TASP1: variants seen among roughly 807,000 people sequenced by gnomAD.
The protein encoded by TASP1 is taspase 1, also known as threonine aspartase 1.
TASP1 carries 16 observed loss-of-function variants against 56.6 expected under a neutral mutation model. That is an observed-to-expected ratio of 0.28 (90% CI 0.19 to 0.43). The LOEUF (loss-of-function observed/expected upper bound fraction) is 0.43. TASP1 is among the 20% of genes least tolerant of loss of function. TASP1 has a pLI of 1.00. For synonymous variants in TASP1, 179 were observed against 184.2 expected (o/e 0.97, Z 0.23); for missense variants, 393 against 511.6 (o/e 0.77, Z 2.24).
At chr20:13,528,677 T>C (rs2045089752) in intron 9 of TASP1, among the ~76,000 whole-genome samples, 166 bp from the exon 10 acceptor site, 1 of 152,202 alleles carries the variant, frequency 6.6e-6, no homozygotes, top group Non-Finnish European at 1.5e-5. Context: ...ATGCTTTTAA[T>C]ACTATCAAAA....
chr20:13,355,845 C>T, the TASP1 span, among the ~76,000 whole-genome samples: 1 of 152,192 alleles, frequency 6.6e-6, no homozygotes, highest in African/African-American at 2.4e-5. Flanking sequence ...CTCTCCCAAG[C>T]CCCTAGTCCT....
chr20:13,330,080 C>T, the TASP1 span, among the ~76,000 whole-genome samples: 1 of 152,002 alleles, frequency 6.6e-6, no homozygotes, highest in Non-Finnish European at 1.5e-5. Context: ...CCTCAGCCTC[C>T]CGAGTAGCTG....
At chr20:13,221,761 C>T in the TASP1 span, 3 of 1,428,740 alleles carry the variant, frequency 2.1e-6, no homozygotes, top group Non-Finnish European at 2.7e-6. Context: ...GTCCTAAAGC[C>T]GCGCGTCTCA....
At chr20:13,549,909 C>A (rs2045922735) in intron 8 of TASP1, among the ~76,000 whole-genome samples, 1 of 152,060 alleles carries the variant, frequency 6.6e-6, no homozygotes, top group Admixed American at 6.6e-5. Flanking sequence ...CAACTTATAA[C>A]AAATATTCTG....
chr20:13,416,048 C>A (rs2042243458), intron 13 of TASP1, among the ~76,000 whole-genome samples: 1 of 151,984 alleles, frequency 6.6e-6, no homozygotes, highest in African/African-American at 2.4e-5. Context: ...CTGTGCTGTT[C>A]AATATGGTAG....
intron 3 of TASP1, among the ~76,000 whole-genome samples, chr20:13,624,610 A>T (rs2048822483): frequency 6.6e-6 from 1 of 152,184 alleles, no homozygotes; most frequent in Admixed American, 6.5e-5. Flanking sequence ...CTACAAGACT[A>T]GTAAGAATCA....
At chr20:13,244,379 G>T in the TASP1 span, 1 of 129,052 alleles carries the variant, frequency 7.7e-6, no homozygotes. Flanking sequence ...TGTAGAAGAT[G>T]TCCTATGCAA....
chr20:13,360,418 C>T, the TASP1 span, among the ~76,000 whole-genome samples: 1 of 151,914 alleles, frequency 6.6e-6, no homozygotes, highest in Non-Finnish European at 1.5e-5. Context: ...CTCTCCCTGC[C>T]AATCGTGTCC....
intron 4 of TASP1, among the ~76,000 whole-genome samples, chr20:13,607,537 G>C (rs764826340): frequency 6.6e-6 from 1 of 152,042 alleles, no homozygotes; most frequent in Non-Finnish European, 1.5e-5. Context: ...AACTAGACTG[G>C]CACATTATAA....
intron 11 of TASP1, among the ~76,000 whole-genome samples, chr20:13,456,872 G>T (rs1430144874): frequency 6.6e-6 from 1 of 152,046 alleles, no homozygotes; most frequent in African/African-American, 2.4e-5. Context: ...GGAAAAAAAT[G>T]GTCAGAATAA....
At chr20:13,582,286 T>A (rs1486990351) in intron 5 of TASP1, among the ~76,000 whole-genome samples, 1 of 152,006 alleles carries the variant, frequency 6.6e-6, no homozygotes, top group African/African-American at 2.4e-5. Flanking sequence ...TTTATAACTT[T>A]ATATTGTTTA....
the TASP1 span, among the ~76,000 whole-genome samples, chr20:13,355,923 T>A: frequency 6.6e-6 from 1 of 152,304 alleles, no homozygotes; most frequent in Admixed American, 6.5e-5. Flanking sequence ...GGACTCCTCA[T>A]ATTGGCCAAA....
rs186795826 is a variant in TASP1, at chr20:13,448,536, T to C, written c.986-13382A>G. Among the ~76,000 whole-genome samples, 1,034 of 152,228 alleles carry C rather than the reference T, an allele frequency of 6.8e-3. 7 individuals carry two copies. Among genetic ancestry groups the C allele is most frequent in the Non-Finnish European group, 0.011 (715 of 67,990 alleles). On this transcript the variant is annotated intron_variant, in intron 11 of 13. Coordinates refer to ENST00000337743, the MANE Select transcript of TASP1 (RefSeq NM_017714.3). ...CTGATAATATTTTCCCAGGAAAGCC[T>C]AAAGACAGAGTCAATTATAGCCTTG...
the TASP1 span, among the ~76,000 whole-genome samples, chr20:13,277,895 G>A: frequency 6.6e-6 from 1 of 152,136 alleles, no homozygotes; most frequent in Non-Finnish European, 1.5e-5. Flanking sequence ...CATTGGCTGG[G>A]CAACATCATT....
the TASP1 span, among the ~76,000 whole-genome samples, chr20:13,153,523 T>G: frequency 1.3e-5 from 2 of 152,162 alleles, no homozygotes; most frequent in African/African-American, 4.8e-5. Context: ...AAATTCAGAT[T>G]GGATGAAGGA....
chr20:13,400,121 C>T (rs74577529), intron 13 of TASP1, among the ~76,000 whole-genome samples: 4,212 of 152,260 alleles, frequency 0.028, 79 homozygotes, highest in South Asian at 0.042. Context: ...TTATCTTGTT[C>T]GTTATTTCCC....
intron 10 of TASP1, among the ~76,000 whole-genome samples, chr20:13,510,786 C>T (rs2044297509): frequency 6.6e-6 from 1 of 152,152 alleles, no homozygotes; most frequent in African/African-American, 2.4e-5. Flanking sequence ...AAAAAGTACT[C>T]AGCACAGTAC....
Position 13,456,084 on chromosome 20 carries a change from T to C in TASP1, c.986-20930A>G, listed in dbSNP as rs774418335. Among the ~76,000 whole-genome samples the C allele has an allele frequency of 3.4e-4, 51 of 152,044 alleles. 1 individual carries two copies. The highest frequency in any genetic ancestry group is 2.0e-3 in the Admixed American group (31 of 15,240). Reference sequence around the variant, plus strand: ...AGCAGATGAAACATGGCTTTACTAATAGGATCCAGAAGACAAAGCACAATC... The same window carrying C: ...AGCAGATGAAACATGGCTTTACTAACAGGATCCAGAAGACAAAGCACAATC... On this transcript the variant is annotated intron_variant, in intron 11 of 13. Coordinates refer to ENST00000337743, the MANE Select transcript of TASP1 (RefSeq NM_017714.3).
chr20:13,427,553 T>C (rs1301599328), intron 12 of TASP1, among the ~76,000 whole-genome samples: 2 of 152,160 alleles, frequency 1.3e-5, no homozygotes, highest in Non-Finnish European at 2.9e-5. Context: ...CTAAACAATG[T>C]ACCATTTAGA....
Sources: gnomAD v4.1 joint callset for allele counts (sites outside exome capture counted in the v4.1 genomes callset) on GRCh38, gnomAD v4.1.1 for gene constraint, MANE v1.5 for transcripts, NCBI Gene and HGNC (gene_info 2026-07-23, HGNC 2026-07-21) for gene names.